LARGE1: variants seen among roughly 807,000 people sequenced by gnomAD.
LARGE1 encodes the protein xylosyl- and glucuronyltransferase LARGE1.
LARGE1 carries 43 observed loss-of-function variants against 87.6 expected under a neutral mutation model. The ratio of observed to expected loss-of-function variants is 0.49; its 90% CI spans 0.38 to 0.63. The LOEUF is 0.63. Ranked by LOEUF, LARGE1 falls within the 30% of genes least tolerant of loss-of-function variation. LARGE1 has a pLI of 0.00. For missense variants in LARGE1, 802 were observed against 1,000.2 expected, an observed-to-expected ratio of 0.80 and a Z score of 2.67; for synonymous variants, 434 against 394.6, an observed-to-expected ratio of 1.10 and a Z score of -1.18.
At position 33,298,342 on chromosome 22, in the gene LARGE1, C is replaced by T. The variant is rs573764147; in HGVS notation, c.1730+5887G>A. ...CAGCACCTGAAACAGTGCCTGGCCA[C>T]GCAGAGGCATGGAACAAAGAATGTT... On this transcript the variant is annotated intron_variant, in intron 12 of 14. Coordinates refer to ENST00000397394, the MANE Select transcript of LARGE1 (RefSeq NM_133642.5). 5.4e-4 allele frequency among the ~76,000 whole-genome samples: 82 copies of T among 152,354 alleles called. No individual in the cohort carries two copies. The South Asian group carries it at 0.013, about 25-fold the overall frequency.
intron 11 of LARGE1, among the ~76,000 whole-genome samples, chr22:33,245,123 T>C (rs994341128): frequency 1.3e-5 from 2 of 152,180 alleles, no homozygotes; most frequent in African/African-American, 2.4e-5. Flanking sequence ...CATTATTAAC[T>C]AAACTGAATG....
In LARGE1 at chr22:33,337,675, G is replaced by A; in HGVS notation, c.1258C>T (p.Pro420Ser). ...TCACTGTTGACATCAGCCTCACTGG[G>A]GCAGCCAAACAGTTCCCGCCTCAGA... Reference protein sequence around the residue: ...NLLRRELFGCPSEADVNSENL... With the variant: ...NLLRRELFGCSSEADVNSENL... The change falls in exon 10 of 15, where the codon CCC becomes TCC. Residue 420 changes from proline to serine, a missense_variant. By Grantham distance (74) the Pro-to-Ser change is moderately conservative. Coordinates refer to ENST00000397394, the MANE Select transcript of LARGE1 (RefSeq NM_133642.5). The A allele has an allele frequency of 2.5e-6, 4 of 1,614,120 alleles. No homozygotes were observed. The highest frequency in any genetic ancestry group is 3.4e-6 in the Non-Finnish European group (4 of 1,180,036).
In LARGE1 at chr22:33,556,537, A is replaced by AGGG. The variant is rs1569266711; in HGVS notation, c.787+8310_787+8311insCCC. Reference sequence around the variant, plus strand: ...AAGGAAGGGAGGGAGGGAGGGAGGGAAGGAGGGAGGGAGGGAGGGAGGGAG... The same window carrying AGGG: ...AAGGAAGGGAGGGAGGGAGGGAGGGAGGGAGGAGGGAGGGAGGGAGGGAGGGAG... On this transcript the variant is annotated intron_variant, in intron 6 of 14. Coordinates refer to ENST00000397394, the MANE Select transcript of LARGE1 (RefSeq NM_133642.5). Among the ~76,000 whole-genome samples the AGGG allele has an allele frequency of 3.5e-3, 168 of 47,460 alleles. 2 individuals are homozygous for AGGG. The highest frequency in any genetic ancestry group is 0.012 in the Admixed American group (39 of 3,354). 31.1% of individuals were successfully genotyped at this position (47,460 alleles called of 152,430 possible).
chr22:33,298,983 C>G (rs145739830), intron 12 of LARGE1, among the ~76,000 whole-genome samples: 14 of 151,570 alleles, frequency 9.2e-5, no homozygotes, highest in Non-Finnish European at 1.5e-4. Context: ...CCTGGGTGGG[C>G]GGATCACTTG....
intron 3 of LARGE1, among the ~76,000 whole-genome samples, chr22:33,631,771 T>A (rs2080117439): frequency 1.3e-5 from 2 of 152,252 alleles, no homozygotes; most frequent in Admixed American, 6.5e-5. Context: ...TCTCTAGTAT[T>A]ATTATGTACT....
intron 11 of LARGE1, among the ~76,000 whole-genome samples, chr22:33,206,074 C>T (rs1449833325): frequency 6.6e-6 from 1 of 151,854 alleles, no homozygotes; most frequent in African/African-American, 2.4e-5. Context: ...CCTCCCTCAG[C>T]CTCCAGAGTA....
intron 11 of LARGE1, among the ~76,000 whole-genome samples, chr22:33,183,947 T>C (rs1259205460): frequency 2.6e-5 from 4 of 151,830 alleles, no homozygotes; most frequent in South Asian, 2.1e-4. Context: ...ATGGTGACTA[T>C]AGTTAATGAT....
chr22:33,538,064 C>T (rs1020916760), intron 6 of LARGE1, among the ~76,000 whole-genome samples: 10 of 152,202 alleles, frequency 6.6e-5, no homozygotes. Flanking sequence ...TCCACATCCA[C>T]AGGTCATGGT....
chr22:33,205,774 T>C (rs1483410853), intron 11 of LARGE1, among the ~76,000 whole-genome samples: 2 of 152,000 alleles, frequency 1.3e-5, no homozygotes, highest in Admixed American at 6.6e-5. Context: ...CTGATCATAT[T>C]GTGTGACTTT....
At chr22:33,615,257 G>A in intron 4 of LARGE1, among the ~76,000 whole-genome samples, 1 of 151,954 alleles carries the variant, frequency 6.6e-6, no homozygotes, top group East Asian at 1.9e-4. Flanking sequence ...AGGAAAGAAT[G>A]AATAAATGAA....
intron 11 of LARGE1, among the ~76,000 whole-genome samples, chr22:33,202,716 A>T (rs1365651296): frequency 1.3e-5 from 2 of 152,198 alleles, no homozygotes; most frequent in Admixed American, 1.3e-4. Context: ...CAGAGATGGC[A>T]ACTGATACCT....
chr22:33,799,528 C>T (rs945245383), intron 1 of LARGE1, among the ~76,000 whole-genome samples: 4 of 152,130 alleles, frequency 2.6e-5, no homozygotes, highest in Admixed American at 1.3e-4. Context: ...ACAACCTCCC[C>T]CTCCTGGGTT....
the LARGE1 span, among the ~76,000 whole-genome samples, chr22:33,104,408 T>C: frequency 6.6e-6 from 1 of 152,228 alleles, no homozygotes; most frequent in East Asian, 1.9e-4. Flanking sequence ...CTAAATGAGC[T>C]GCACTGATGG....
At chr22:33,328,823 G>C (rs1204345300) in intron 10 of LARGE1, among the ~76,000 whole-genome samples, 7 of 152,064 alleles carry the variant, frequency 4.6e-5, no homozygotes, top group Non-Finnish European at 8.8e-5. Flanking sequence ...GAGTTAGGTA[G>C]ACCTGGTTTC....
At chr22:33,897,580 G>A (rs1311713843) in intron 1 of LARGE1, among the ~76,000 whole-genome samples, 1 of 152,194 alleles carries the variant, frequency 6.6e-6, no homozygotes, top group Non-Finnish European at 1.5e-5. Flanking sequence ...GCCAGTGAAG[G>A]TGAAATCAGA....
chr22:33,905,553 T>C (rs191856148), intron 1 of LARGE1, among the ~76,000 whole-genome samples: 94 of 152,370 alleles, frequency 6.2e-4, no homozygotes, highest in African/African-American at 2.1e-3. Context: ...ATAGCCATCA[T>C]TCATTTTAAA....
the LARGE1 span, among the ~76,000 whole-genome samples, chr22:33,104,376 C>T: frequency 1.3e-5 from 2 of 152,164 alleles, no homozygotes; most frequent in Non-Finnish European, 2.9e-5. Context: ...TATTACTAGT[C>T]ACACAGAGAA....
At chr22:33,760,261 T>A (rs1244073061) in intron 2 of LARGE1, among the ~76,000 whole-genome samples, 5 of 152,160 alleles carry the variant, frequency 3.3e-5, no homozygotes, top group Non-Finnish European at 2.9e-5. Flanking sequence ...TAGAAAACCA[T>A]CTTCACAGGC....
chr22:33,334,568 G>A (rs1174056394), intron 10 of LARGE1, among the ~76,000 whole-genome samples: 8 of 152,120 alleles, frequency 5.3e-5, no homozygotes, highest in Non-Finnish European at 7.4e-5. Flanking sequence ...GGGTGTTCCC[G>A]CCAGTGGGAA....
Sources: allele counts gnomAD v4.1 joint callset (sites outside exome capture counted in the v4.1 genomes callset), GRCh38; gene constraint gnomAD v4.1.1; transcripts MANE v1.5; gene names NCBI Gene and HGNC (gene_info 2026-07-23, HGNC 2026-07-21).